Variants in ADAMTS20 observed in about 807,000 individuals in gnomAD.
The protein encoded by ADAMTS20 is ADAM metallopeptidase with thrombospondin type 1 motif 20.
A neutral mutation model predicts 260.1 loss-of-function variants in ADAMTS20; 225 were observed. The ratio of observed to expected loss-of-function variants is 0.87; its 90% CI spans 0.78 to 0.97. The LOEUF is 0.97. Among genes scored for constraint, ADAMTS20 ranks in the 50% least tolerant of loss-of-function variants. The pLI, the probability that ADAMTS20 is intolerant of heterozygous loss-of-function variation, is 0.00. For missense variants in ADAMTS20, 2,400 were observed against 2,337.7 expected (o/e 1.03, Z -0.55); for synonymous variants, 802 against 769.5 (o/e 1.04, Z -0.70).
intron 37 of ADAMTS20, among the ~76,000 whole-genome samples, chr12:43,363,700 AAAG>A (rs1440442684): frequency 6.6e-6 from 1 of 152,160 alleles, no homozygotes; most frequent in Admixed American, 6.6e-5. Flanking sequence ...ACTTTCTGGA[AAAG>A]AAGATTTTAG....
chr12:43,439,650 T>C lies in ADAMTS20; in HGVS notation c.2565A>G (p.Pro855=), dbSNP rs1297848166. Residue 855 remains proline (P), a synonymous_variant, in exon 18 of 39, where the codon CCA becomes CCG. Transcript: ENST00000389420. ...GACACATTTTGGTACAGCCTTCCCA[T>C]GGTCCATAGGGGTCCCATGTGAACA... ...SDMFTWDPYG[P]WEGCTKMCQG... is the part of the protein sequence containing the mutation. 5.0e-6 allele frequency: 8 copies of C among 1,610,902 alleles called. No individual in the cohort carries two copies. Among genetic ancestry groups the C allele is most frequent in the Non-Finnish European group, 6.8e-6 (8 of 1,179,134 alleles).
At chr12:43,442,022 CTATT>C (rs1241469577) in intron 16 of ADAMTS20, among the ~76,000 whole-genome samples, 2 of 152,016 alleles carry the variant, frequency 1.3e-5, no homozygotes, top group Non-Finnish European at 2.9e-5. Context: ...GTGGCTAGGT[CTATT>C]TAAGGGATTA....
chr12:43,539,949 C>T (rs893228517), intron 2 of ADAMTS20, among the ~76,000 whole-genome samples: 1 of 150,840 alleles, frequency 6.6e-6, no homozygotes, highest in Admixed American at 6.6e-5. Context: ...GTGGCACGAT[C>T]TCAGCTCACT....
At chr12:43,446,339 T>C (rs1941759841) in intron 15 of ADAMTS20, among the ~76,000 whole-genome samples, 1 of 152,230 alleles carries the variant, frequency 6.6e-6, no homozygotes, top group African/African-American at 2.4e-5. Flanking sequence ...GCACTGAATT[T>C]ACTCTAAGAA....
chr12:43,403,842 G>A (rs1051363511), intron 28 of ADAMTS20, among the ~76,000 whole-genome samples: 2 of 151,962 alleles, frequency 1.3e-5, no homozygotes, highest in South Asian at 2.1e-4. Context: ...ATGGAGAGTC[G>A]ACGTATGAAT....
At chr12:43,513,205 C>T (rs1446026790) in intron 3 of ADAMTS20, among the ~76,000 whole-genome samples, 2 of 152,114 alleles carry the variant, frequency 1.3e-5, no homozygotes, top group Non-Finnish European at 2.9e-5. Flanking sequence ...AACATTCTAC[C>T]TCCTCCCACT....
At chr12:43,440,376 T>C (rs1941640582) in intron 16 of ADAMTS20, among the ~76,000 whole-genome samples, 1 of 152,190 alleles carries the variant, frequency 6.6e-6, no homozygotes, top group Non-Finnish European at 1.5e-5. Flanking sequence ...CTCGAACTCC[T>C]GACCTCAGGC....
chr12:43,437,029 T>C (rs1199766796), intron 18 of ADAMTS20, among the ~76,000 whole-genome samples: 2 of 152,138 alleles, frequency 1.3e-5, no homozygotes, highest in South Asian at 2.1e-4. Flanking sequence ...TTTTAAAATA[T>C]GAACAAACAG....
chr12:43,384,036 G>A, intron 29 of ADAMTS20, 59 bp from the exon 30 acceptor site: 2 of 1,455,942 alleles, frequency 1.4e-6, no homozygotes, highest in Non-Finnish European at 1.8e-6. Context: ...TTATATAAAA[G>A]TAGCCAATGG....
At chr12:43,444,179 G>A (rs1484217881) in intron 15 of ADAMTS20, among the ~76,000 whole-genome samples, 1 of 151,932 alleles carries the variant, frequency 6.6e-6, no homozygotes, top group Middle Eastern at 3.2e-3. Flanking sequence ...TAGCTCCTGA[G>A]ACCCTTAGTA....
chr12:43,377,232 G>A, intron 32 of ADAMTS20, 133 bp downstream of exon 32: 1 of 636,672 alleles, frequency 1.6e-6, no homozygotes, highest in Non-Finnish European at 2.6e-6. Context: ...TAAATAACTG[G>A]TAATGTGGAT....
intron 7 of ADAMTS20, among the ~76,000 whole-genome samples, chr12:43,477,541 T>C (rs1942377530): frequency 6.6e-6 from 1 of 152,162 alleles, no homozygotes; most frequent in South Asian, 2.1e-4. Context: ...AGATATTTAA[T>C]AAAAACTAGG....
chr12:43,376,461 T>A, intron 33 of ADAMTS20, 63 bp downstream of exon 33: 1 of 1,535,646 alleles, frequency 6.5e-7, no homozygotes, highest in Non-Finnish European at 8.8e-7. Context: ...ACTACAGATA[T>A]TTATTTTAAC....
intron 3 of ADAMTS20, among the ~76,000 whole-genome samples, chr12:43,526,424 C>T (rs1187377286): frequency 6.6e-6 from 1 of 152,110 alleles, no homozygotes; most frequent in Non-Finnish European, 1.5e-5. Context: ...TGCCACTGCA[C>T]TCCAGCCTGA....
At chr12:43,366,936 G>A (rs141860783) in intron 37 of ADAMTS20, among the ~76,000 whole-genome samples, 74 of 152,006 alleles carry the variant, frequency 4.9e-4, no homozygotes, top group Non-Finnish European at 9.4e-4. Context: ...AACAATGTGT[G>A]ACAACCAATT....
At chr12:43,465,785 C>CT (rs1207674534) in intron 9 of ADAMTS20, among the ~76,000 whole-genome samples, 1 of 151,958 alleles carries the variant, frequency 6.6e-6, no homozygotes, top group Non-Finnish European at 1.5e-5. Context: ...TTAAGTTGTG[C>CT]TTTTAAGTCA....
At chr12:43,437,979 T>C (rs1941588636) in intron 18 of ADAMTS20, among the ~76,000 whole-genome samples, 1 of 152,030 alleles carries the variant, frequency 6.6e-6, no homozygotes, top group African/African-American at 2.4e-5. Flanking sequence ...AGAGTTCTGA[T>C]AAAAAGCTTG....
chr12:43,465,235 G>A (rs1278282215), intron 9 of ADAMTS20, among the ~76,000 whole-genome samples: 1 of 152,034 alleles, frequency 6.6e-6, no homozygotes, highest in East Asian at 1.9e-4. Flanking sequence ...GTCTTTCAAG[G>A]TGGGAGTATA....
intron 16 of ADAMTS20, among the ~76,000 whole-genome samples, chr12:43,442,893 C>T (rs1324566119): frequency 6.6e-6 from 1 of 152,172 alleles, no homozygotes; most frequent in African/African-American, 2.4e-5. Flanking sequence ...ACCATCACCT[C>T]TATCTAGTTC....
Sources: gnomAD v4.1 joint callset for allele counts (sites outside exome capture counted in the v4.1 genomes callset) on GRCh38, gnomAD v4.1.1 for gene constraint, MANE v1.5 for transcripts, NCBI Gene and HGNC (gene_info 2026-07-23, HGNC 2026-07-21) for gene names.